The following ITGA9 variants were observed in gnomAD, a reference collection of about 807,000 sequenced individuals.
The protein encoded by ITGA9 is integrin alpha-9.
Under a neutral mutation model 127.8 loss-of-function variants are expected in ITGA9, and 56 were observed. The ratio of observed to expected loss-of-function variants is 0.44; its 90% CI spans 0.35 to 0.55. The LOEUF (loss-of-function observed/expected upper bound fraction) is 0.55, where lower values mean the gene tolerates loss of function less well. Among genes scored for constraint, ITGA9 ranks in the 20% least tolerant of loss-of-function variants. ITGA9 has a pLI of 0.00. For missense variants in ITGA9, 1,196 were observed against 1,347.1 expected (o/e 0.89, Z 1.76); for synonymous variants, 508 against 514.5 (o/e 0.99, Z 0.17).
intron 15 of ITGA9, among the ~76,000 whole-genome samples, chr3:37,576,223 G>A (rs190714950): frequency 1.3e-5 from 2 of 152,342 alleles, no homozygotes; most frequent in East Asian, 3.9e-4. Flanking sequence ...CCTTCTTGCA[G>A]CTGGGCACAC....
chr3:37,561,662 G>A (rs1699489942), intron 15 of ITGA9, among the ~76,000 whole-genome samples: 2 of 152,170 alleles, frequency 1.3e-5, no homozygotes, highest in African/African-American at 4.8e-5. Context: ...GATCACAGGG[G>A]TTGCCATTCA....
At chr3:37,616,643 T>C (rs554054681) in intron 15 of ITGA9, among the ~76,000 whole-genome samples, 260 of 152,320 alleles carry the variant, frequency 1.7e-3, no homozygotes, top group African/African-American at 5.0e-3. Flanking sequence ...TGAATCTGGG[T>C]GCTCCTGTAT....
rs1454241147 is a variant in ITGA9, at chr3:37,814,248, G to A, written c.3010-4643G>A. Reference sequence around the variant, plus strand: ...CATTGATCTCTTAGGCAGAGACGAAGACACTATGGCTCGAAGCCAGAAAAT... The same window carrying A: ...CATTGATCTCTTAGGCAGAGACGAAAACACTATGGCTCGAAGCCAGAAAAT... On this transcript the variant is annotated intron_variant, in intron 27 of 27. Coordinates refer to ENST00000264741, the MANE Select transcript of ITGA9 (RefSeq NM_002207.3). The surrounding 1 kb of genome is among the most constrained non-coding windows in gnomAD (Gnocchi z 4.3). Among the ~76,000 whole-genome samples, 1 of 152,178 alleles carries A rather than the reference G, an allele frequency of 6.6e-6. No homozygotes were observed. Among genetic ancestry groups the A allele is most frequent in the Non-Finnish European group, 1.5e-5 (1 of 68,030 alleles).
chr3:37,692,094 G>T (rs1700837701), intron 18 of ITGA9, among the ~76,000 whole-genome samples: 1 of 152,132 alleles, frequency 6.6e-6, no homozygotes, highest in Non-Finnish European at 1.5e-5. Context: ...CTGTGCCTCA[G>T]TTTCTTTCTC....
chr3:37,704,432 C>T (rs937202614), intron 18 of ITGA9, among the ~76,000 whole-genome samples: 2 of 152,156 alleles, frequency 1.3e-5, no homozygotes, highest in African/African-American at 2.4e-5. Context: ...AAAGGAAGAG[C>T]ACCTATGAGA....
At chr3:37,542,797 G>A (rs1409750745) in intron 15 of ITGA9, among the ~76,000 whole-genome samples, 2 of 152,104 alleles carry the variant, frequency 1.3e-5, no homozygotes, top group Non-Finnish European at 2.9e-5. Context: ...TTTAAGGGGG[G>A]TCGTGGTGGT....
intron 26 of ITGA9, among the ~76,000 whole-genome samples, chr3:37,796,013 C>T (rs1328522032): frequency 6.6e-6 from 1 of 152,164 alleles, no homozygotes; most frequent in Non-Finnish European, 1.5e-5. Context: ...CTTACTGCAG[C>T]CTCCAGCTCC....
Position 37,453,508 on chromosome 3 carries a change from A to T in ITGA9, c.185+949A>T, listed in dbSNP as rs188254691. On this transcript the variant is annotated intron_variant, in intron 1 of 27. Transcript: ENST00000264741. ...CCACATCCTCTGGACCAGAGGGTAT[A>T]AACAGCCACACAGTGGTCACTTCTT... is the stretch of plus-strand genomic sequence containing the variant. Among the ~76,000 whole-genome samples, 729 of 152,296 alleles carry T rather than the reference A, an allele frequency of 4.8e-3. 6 individuals are homozygous for T. Among genetic ancestry groups the T allele is most frequent in the African/African-American group, 0.016 (664 of 41,552 alleles).
At chr3:37,552,844 G>A (rs1417408707) in intron 15 of ITGA9, among the ~76,000 whole-genome samples, 4 of 151,960 alleles carry the variant, frequency 2.6e-5, no homozygotes, top group Admixed American at 6.6e-5. Flanking sequence ...GTGAAACCCC[G>A]TTTCTACTAA....
intron 26 of ITGA9, among the ~76,000 whole-genome samples, chr3:37,795,878 C>T (rs935220142): frequency 3.3e-5 from 5 of 152,220 alleles, no homozygotes; most frequent in Admixed American, 3.3e-4. Flanking sequence ...TGTACTCCCA[C>T]ATTCAGTTAT....
intron 18 of ITGA9, among the ~76,000 whole-genome samples, chr3:37,720,132 A>AG (rs1472749156): frequency 6.6e-6 from 1 of 152,220 alleles, no homozygotes; most frequent in South Asian, 2.1e-4. Flanking sequence ...GAGCATGTCC[A>AG]GGGACCACAC....
chr3:37,816,906 G>A (rs979616451), intron 27 of ITGA9, among the ~76,000 whole-genome samples: 2 of 152,206 alleles, frequency 1.3e-5, no homozygotes, highest in African/African-American at 2.4e-5. Flanking sequence ...CCACCTTATC[G>A]ACTTCCCCTC....
chr3:37,560,438 A>G (rs1429468403), intron 15 of ITGA9, among the ~76,000 whole-genome samples: 1 of 152,222 alleles, frequency 6.6e-6, no homozygotes, highest in Non-Finnish European at 1.5e-5. Context: ...TTATAGTAGC[A>G]TGATTTATAA....
chr3:37,748,094 T>C, intron 22 of ITGA9: 1 of 455,010 alleles, frequency 2.2e-6, no homozygotes, highest in Non-Finnish European at 4.3e-6. Flanking sequence ...ACCACCATCT[T>C]CCAGTAATTC....
chr3:37,577,032 C>T (rs984988386), intron 15 of ITGA9, among the ~76,000 whole-genome samples: 3 of 152,262 alleles, frequency 2.0e-5, no homozygotes, highest in African/African-American at 7.2e-5. Context: ...CTGATCCTTT[C>T]CCCTCAGGAC....
chr3:37,561,065 A>G (rs563712683), intron 15 of ITGA9, among the ~76,000 whole-genome samples: 125 of 152,232 alleles, frequency 8.2e-4, no homozygotes, highest in African/African-American at 2.8e-3. Flanking sequence ...GCCTCGTTTT[A>G]ATTTAATCAA....
At chr3:37,620,965 C>T (rs1447374421) in intron 15 of ITGA9, among the ~76,000 whole-genome samples, 1 of 152,208 alleles carries the variant, frequency 6.6e-6, no homozygotes, top group Non-Finnish European at 1.5e-5. Flanking sequence ...CAAGTGTTGG[C>T]AGAAGGCAAA....
intron 13 of ITGA9, 114 bp from the exon 14 acceptor site, chr3:37,533,200 T>A: frequency 2.0e-6 from 2 of 991,898 alleles, no homozygotes; most frequent in Non-Finnish European, 1.6e-6. Flanking sequence ...TATTTCATGC[T>A]TTAATTAAAT....
intron 13 of ITGA9, among the ~76,000 whole-genome samples, chr3:37,530,053 AG>A (rs1229190602): frequency 6.6e-6 from 1 of 152,230 alleles, no homozygotes; most frequent in African/African-American, 2.4e-5. Context: ...CAGGAGGACA[AG>A]GGAATCAGGG....
Sources: allele counts gnomAD v4.1 joint callset (sites outside exome capture counted in the v4.1 genomes callset), GRCh38; gene constraint gnomAD v4.1.1; non-coding constraint Gnocchi (gnomAD v3.1); transcripts MANE v1.5; gene names NCBI Gene and HGNC (gene_info 2026-07-23, HGNC 2026-07-21).